The following NAA20 variants were observed in gnomAD, a reference collection of about 807,000 sequenced individuals.
NAA20 encodes the protein N-alpha-acetyltransferase 20, NatB catalytic subunit.
A neutral mutation model predicts 23.8 loss-of-function variants in NAA20; 24 were observed. That is an observed-to-expected ratio of 1.01 (90% CI 0.73 to 1.42). The LOEUF (loss-of-function observed/expected upper bound fraction) is 1.42, where lower values mean the gene tolerates loss of function less well. Among genes scored for constraint, NAA20 ranks in the 40% most tolerant of loss-of-function variants. NAA20 has a pLI of 0.00. For synonymous variants in NAA20, 83 were observed against 77.7 expected (o/e 1.07, Z -0.36); for missense variants, 166 against 223.1 (o/e 0.74, Z 1.63).
At chr20:20,018,207 A>AT (rs11478281) in intron 1 of NAA20, 6,704 of 627,740 alleles carry the variant, frequency 0.011, no homozygotes, top group South Asian at 0.015. Flanking sequence ...GCAGGTACCA[A>AT]TTTTTTTTTT....
chr20:20,022,380 G>A (rs951824860), intron 1 of NAA20, 76 bp from the exon 2 acceptor site: 20 of 1,423,354 alleles, frequency 1.4e-5, no homozygotes, highest in Admixed American at 9.1e-5. Context: ...GCATATTACT[G>A]TTAGCTTTAG....
At chr20:20,026,711 C>A in intron 3 of NAA20, 73 bp from the exon 4 acceptor site, 1 of 1,570,174 alleles carries the variant, frequency 6.4e-7, no homozygotes, top group Non-Finnish European at 8.7e-7. Flanking sequence ...TAAAAACATA[C>A]TGAACAGTAA....
rs2043364611 is a variant in NAA20, at chr20:20,033,582, A to C, written c.*395A>C. The C allele has an allele frequency of 6.2e-6, 1 of 160,150 alleles. No homozygotes were observed. The highest frequency in any genetic ancestry group is 2.4e-5 in the African/African-American group (1 of 41,628). The allele number at this position is 160,150 out of a possible 1,614,324, so 9.9% of individuals were successfully genotyped here. A position where few individuals can be genotyped will look rare whatever the true frequency, so the allele number is the denominator to read the frequency against. On this transcript the variant is annotated 3_prime_UTR_variant, in exon 6 of 6. Transcript: ENST00000334982. ...GTTAATTGAAGCTTTAAAAGCATATATGAAATGTATAAATCTAAGATGTAT... is the reference window on the plus strand; with the variant it reads ...GTTAATTGAAGCTTTAAAAGCATATCTGAAATGTATAAATCTAAGATGTAT...
intron 3 of NAA20, among the ~76,000 whole-genome samples, chr20:20,026,524 C>A (rs1000791588): frequency 1.1e-4 from 14 of 132,136 alleles, no homozygotes; most frequent in African/African-American, 3.8e-4. Flanking sequence ...TTTTTTTTTT[C>A]AAAATTAGTT....
intron 3 of NAA20, among the ~76,000 whole-genome samples, chr20:20,026,090 A>G (rs2043304412): frequency 6.6e-6 from 1 of 152,104 alleles, no homozygotes; most frequent in African/African-American, 2.4e-5. Context: ...AGATCCTTTG[A>G]GGTCAGGAGT....
intron 1 of NAA20, among the ~76,000 whole-genome samples, chr20:20,020,599 C>T (rs961382201): frequency 5.3e-5 from 8 of 152,090 alleles, no homozygotes; most frequent in African/African-American, 1.7e-4. Flanking sequence ...GTGGAGGGGC[C>T]AGGAAGGCAT....
intron 4 of NAA20, 144 bp downstream of exon 4, chr20:20,027,063 C>T (rs1032287933): frequency 2.6e-5 from 31 of 1,196,062 alleles, no homozygotes; most frequent in Non-Finnish European, 3.7e-5. Context: ...AATTCTATCA[C>T]ATAGTCAAAG....
chr20:20,017,429 C>G lies in NAA20; in HGVS notation c.33C>G (p.Asp11Glu), dbSNP rs1216709240. ...CGCTACGGGCCTTTACCTGCGACGA[C>G]CTGTTCCGCTTCAACAACATGTGAG... MTTLRAFTCD[D>E]LFRFNNINLD... Residue 11 changes from aspartate (D) to glutamate (E), a missense_variant, in exon 1 of 6, where the codon GAC becomes GAG. Coordinates refer to ENST00000334982, the MANE Select transcript of NAA20 (RefSeq NM_016100.5). The G allele has an allele frequency of 6.2e-7, 1 of 1,611,984 alleles. No homozygotes were observed. The highest frequency in any genetic ancestry group is 8.5e-7 in the Non-Finnish European group (1 of 1,179,420).
chr20:20,026,963 C>G (rs768933994), intron 4 of NAA20, 44 bp downstream of exon 4: 60 of 1,611,934 alleles, frequency 3.7e-5, no homozygotes, highest in Non-Finnish European at 4.9e-5. Context: ...TTGTGGACCC[C>G]TAACCATTTT....
At chr20:20,033,005 G>C (rs191260448) in intron 5 of NAA20, 97 bp from the exon 6 acceptor site, 3 of 943,508 alleles carry the variant, frequency 3.2e-6, no homozygotes. Context: ...TGAAGTGGGG[G>C]TAGGGATAAA....
At chr20:20,031,347 T>C (rs2043342397) in intron 4 of NAA20, among the ~76,000 whole-genome samples, 1 of 152,152 alleles carries the variant, frequency 6.6e-6, no homozygotes, top group Admixed American at 6.5e-5. Flanking sequence ...AGATAGACTT[T>C]TCAGTAAAGG....
At chr20:20,032,283 C>G (rs910335487) in intron 4 of NAA20, among the ~76,000 whole-genome samples, 1 of 150,942 alleles carries the variant, frequency 6.6e-6, no homozygotes, top group African/African-American at 2.4e-5. Context: ...TTTTGAAATA[C>G]TAGCATGCAA....
intron 4 of NAA20, 76 bp from the exon 5 acceptor site, chr20:20,032,432 T>TA: frequency 2.1e-5 from 31 of 1,465,102 alleles, no homozygotes; most frequent in Admixed American, 7.9e-5. Flanking sequence ...AAACACGTTT[T>TA]AAAAAAAATA....
intron 3 of NAA20, among the ~76,000 whole-genome samples, chr20:20,026,223 T>A (rs990601370): frequency 6.6e-6 from 1 of 151,852 alleles, no homozygotes; most frequent in African/African-American, 2.4e-5. Flanking sequence ...GAGAATCACT[T>A]GAACCCCGGA....
intron 4 of NAA20, among the ~76,000 whole-genome samples, chr20:20,028,481 T>TATA (rs1201769562): frequency 6.6e-6 from 1 of 151,940 alleles, no homozygotes; most frequent in Non-Finnish European, 1.5e-5. Context: ...GAACTTAAAG[T>TATA]ATAATAATAA....
chr20:20,029,065 A>G (rs976800040), intron 4 of NAA20, among the ~76,000 whole-genome samples: 1 of 152,070 alleles, frequency 6.6e-6, no homozygotes, highest in Non-Finnish European at 1.5e-5. Context: ...AGTAGCTGGG[A>G]TTACAGGCGC....
chr20:20,025,760 G>C lies in NAA20; in HGVS notation c.162G>C (p.Met54Ile). Residue 54 changes from methionine to isoleucine, a missense_variant, in exon 3 of 6, where the codon ATG becomes ATC. Met to Ile is a conservative substitution (Grantham distance 10). Coordinates refer to ENST00000334982, the MANE Select transcript of NAA20 (RefSeq NM_016100.5). ...IVAEAPGGEL[M>I]GYIMGKAEGS... ...CAGAGGCACCTGGTGGAGAATTAAT[G>C]GGTTATAGTAAGTATAATACCACTA... The C allele has an allele frequency of 1.3e-6, 2 of 1,593,044 alleles. No individual in the cohort carries two copies. The highest frequency in any genetic ancestry group is 2.2e-5 in the South Asian group (2 of 90,634).
chr20:20,022,687 C>CT, intron 2 of NAA20: 1 of 483,012 alleles, frequency 2.1e-6, no homozygotes. Flanking sequence ...AATATCATGA[C>CT]TTGGTAGAAA....
chr20:20,020,888 A>G (rs985598500), intron 1 of NAA20, among the ~76,000 whole-genome samples: 10 of 152,178 alleles, frequency 6.6e-5, no homozygotes, highest in Admixed American at 3.3e-4. Context: ...TCCAGGAAAG[A>G]GAAATTGAAG....
Sources: gnomAD v4.1 joint callset for allele counts (sites outside exome capture counted in the v4.1 genomes callset) on GRCh38, gnomAD v4.1.1 for gene constraint, MANE v1.5 for transcripts, NCBI Gene and HGNC (gene_info 2026-07-23, HGNC 2026-07-21) for gene names.